The following SYNE1 variants were observed in gnomAD, a reference collection of about 807,000 sequenced individuals.
SYNE1 encodes nesprin-1.
In SYNE1, 616 loss-of-function variants were observed where a neutral mutation model predicts 1,111.0. The ratio of observed to expected loss-of-function variants is 0.55; its 90% CI spans 0.52 to 0.59. The LOEUF is 0.59. Among genes scored for constraint, SYNE1 ranks in the 20% least tolerant of loss-of-function variants. The pLI, the probability that SYNE1 is intolerant of heterozygous loss-of-function variation, is 0.00. For missense variants in SYNE1, 10,006 were observed against 10,417.0 expected, an observed-to-expected ratio of 0.96 and a Z score of 1.72; for synonymous variants, 3,855 against 3,825.8, an observed-to-expected ratio of 1.01 and a Z score of -0.28.
Position 152,323,728 on chromosome 6 carries a change from C to G in SYNE1, c.15667G>C (p.Ala5223Pro), listed in dbSNP as rs769712681. 1 of 1,614,064 alleles carries G rather than the reference C, an allele frequency of 6.2e-7. No individual in the cohort carries two copies. The highest frequency in any genetic ancestry group is 8.5e-7 in the Non-Finnish European group (1 of 1,180,004). The stretch of plus-strand genomic sequence containing the variant: ...TGCAGCTGATCAATCATTTCAGTGG[C>G]CTTTTTAACCTGATGACAAATGTAC... ...WTGFNNKVKKATEMIDQLQDK... is the reference protein window; with the variant it reads ...WTGFNNKVKKPTEMIDQLQDK... Residue 5223 changes from alanine to proline, a missense_variant, in exon 82 of 146, where the codon GCC becomes CCC. Transcript: ENST00000367255.
intron 97 of SYNE1, among the ~76,000 whole-genome samples, chr6:152,278,683 G>C (rs1277218110): frequency 4.6e-5 from 7 of 152,054 alleles, no homozygotes; most frequent in African/African-American, 1.2e-4. Flanking sequence ...GGATGGTCTA[G>C]ATCTCCTGAC....
chr6:152,176,712 G>C, intron 129 of SYNE1, 152 bp from the exon 130 acceptor site: 1 of 759,086 alleles, frequency 1.3e-6, no homozygotes, highest in Non-Finnish European at 2.2e-6. Flanking sequence ...ATGTGCACAA[G>C]TATTAGTAGT....
intron 131 of SYNE1, among the ~76,000 whole-genome samples, chr6:152,161,634 T>A (rs892074443): frequency 3.3e-5 from 5 of 152,286 alleles, no homozygotes; most frequent in African/African-American, 7.2e-5. Context: ...CTATTTATTT[T>A]TTTTTCTTAA....
chr6:152,278,038 C>T lies in SYNE1; in HGVS notation c.18573+51G>A, dbSNP rs147222728. 9,578 of 1,602,968 alleles carry T rather than the reference C, an allele frequency of 6.0e-3. 47 individuals carry two copies. Among genetic ancestry groups the T allele is most frequent in the East Asian group, 0.015 (667 of 44,834 alleles). On this transcript the variant is annotated intron_variant, in intron 98 of 145. Coordinates refer to ENST00000367255, the MANE Select transcript of SYNE1 (RefSeq NM_182961.4). ...TACCTGGCAAACCTTAGAAGGAGCA[C>T]GTGAACAGTGTGCCAACTTTCAGCT...
chr6:152,427,842 A>G, intron 37 of SYNE1, 26 bp from the exon 38 acceptor site: 1 of 1,613,836 alleles, frequency 6.2e-7, no homozygotes, highest in Admixed American at 1.7e-5. Flanking sequence ...AGCAGAAACA[A>G]ATTTATTGAA....
In SYNE1 at chr6:152,269,185, C is replaced by T. The variant is rs373495185; in HGVS notation, c.18675G>A (p.Gln6225=). 1.9e-5 allele frequency: 31 copies of T among 1,614,102 alleles called. No homozygotes were observed. Among genetic ancestry groups the T allele is most frequent in the Non-Finnish European group, 2.5e-5 (30 of 1,180,046 alleles). ...GTTGCTGGAGACTGCTCTGCCGCTG[C>T]TGGGTCCATGTGGTGCGAGCTTGGG... ...WLAQARTTWT[Q]QRQSSLQQQK... Residue 6225 remains glutamine, a synonymous_variant, in exon 99 of 146, where the codon CAG becomes CAA. Coordinates refer to ENST00000367255, the MANE Select transcript of SYNE1 (RefSeq NM_182961.4).
At chr6:152,590,261 G>A (rs112511995) in intron 3 of SYNE1, among the ~76,000 whole-genome samples, 1,990 of 151,642 alleles carry the variant, frequency 0.013, 41 homozygotes, top group African/African-American at 0.044. Flanking sequence ...CTATAACTTT[G>A]TAAACTGTGT....
chr6:152,272,669 C>G (rs1473831755), intron 98 of SYNE1, among the ~76,000 whole-genome samples: 3 of 152,106 alleles, frequency 2.0e-5, no homozygotes, highest in Non-Finnish European at 4.4e-5. Flanking sequence ...TTCACTGATA[C>G]CCATGCAAGT....
intron 128 of SYNE1, among the ~76,000 whole-genome samples, chr6:152,183,935 T>C (rs1265079938): frequency 2.2e-5 from 3 of 134,724 alleles, no homozygotes; most frequent in Non-Finnish European, 5.0e-5. Flanking sequence ...CAAAAATAGT[T>C]CATCCATCAC....
Position 152,284,018 on chromosome 6 carries a change from G to A in SYNE1, c.18167C>T (p.Thr6056Ile). The A allele has an allele frequency of 6.2e-7, 1 of 1,614,216 alleles. No homozygotes were observed. Among genetic ancestry groups the A allele is most frequent in the Non-Finnish European group, 8.5e-7 (1 of 1,180,038 alleles). ...TTTCCCCGAGGCTTTCATCCTGATG[G>A]TGGACATTCGCTCGGCTAAGACAGT... ...TLTVLAERMS[T>I]IRMKASGKRQ... The change falls in exon 96 of 146, where the codon ACC (threonine) becomes ATC (isoleucine). Residue 6056 changes from threonine to isoleucine, a missense_variant. This residue lies in a region of SYNE1 where 99 missense variants were observed against 147.8 expected (regional missense o/e 0.67). Coordinates refer to ENST00000367255, the MANE Select transcript of SYNE1 (RefSeq NM_182961.4).
At chr6:152,399,347 A>G (rs1182412310) in intron 48 of SYNE1, among the ~76,000 whole-genome samples, 1 of 152,222 alleles carries the variant, frequency 6.6e-6, no homozygotes, top group Non-Finnish European at 1.5e-5. Flanking sequence ...CACATGAGCT[A>G]TATATAGAAA....
chr6:152,557,946 G>A (rs1372749767), intron 3 of SYNE1, among the ~76,000 whole-genome samples: 1 of 152,074 alleles, frequency 6.6e-6, no homozygotes. Flanking sequence ...TGCCATACAA[G>A]TCACTTTGAT....
Position 152,331,368 on chromosome 6 carries a change from G to A in SYNE1, c.13317C>T (p.Asp4439=), listed in dbSNP as rs1563130122. The A allele has an allele frequency of 3.7e-6, 6 of 1,614,198 alleles. No homozygotes were observed. Among genetic ancestry groups the A allele is most frequent in the African/African-American group, 1.3e-5 (1 of 75,044 alleles). Residue 4439 remains aspartate, a synonymous_variant, in exon 78 of 146, where the codon GAC becomes GAT. Coordinates refer to ENST00000367255, the MANE Select transcript of SYNE1 (RefSeq NM_182961.4). ...AGTACTTTCTTCGCTGGCCCACTAA[G>A]TCACTGAGACAATTCACGTGGCTTT... The part of the protein sequence containing the change: ...DAQSHVNCLS[D]LVGQRRKYLN...
chr6:152,221,085 C>A, intron 118 of SYNE1, 39 bp from the exon 119 acceptor site: 1 of 1,595,984 alleles, frequency 6.3e-7, no homozygotes, highest in Non-Finnish European at 8.6e-7. Flanking sequence ...AGATTACCAC[C>A]TCTCACCAAA....
intron 98 of SYNE1, among the ~76,000 whole-genome samples, chr6:152,275,764 C>T (rs1404586938): frequency 6.6e-6 from 1 of 151,206 alleles, no homozygotes; most frequent in Non-Finnish European, 1.5e-5. Context: ...GCCTATAGTC[C>T]CAGCTACTCA....
chr6:152,362,407 C>G, intron 63 of SYNE1, 84 bp from the exon 64 acceptor site: 1 of 1,580,234 alleles, frequency 6.3e-7, no homozygotes, highest in African/African-American at 1.3e-5. Context: ...CCATCCACTC[C>G]AGTAAGCAAG....
At chr6:152,162,378 C>G (rs1243189102) in intron 131 of SYNE1, among the ~76,000 whole-genome samples, 1 of 152,118 alleles carries the variant, frequency 6.6e-6, no homozygotes, top group Non-Finnish European at 1.5e-5. Flanking sequence ...TGGTTTTAAC[C>G]TTTTTCCCTC....
chr6:152,257,098 T>C (rs2091026806), intron 101 of SYNE1, among the ~76,000 whole-genome samples: 1 of 152,218 alleles, frequency 6.6e-6, no homozygotes, highest in Non-Finnish European at 1.5e-5. Flanking sequence ...GAGAGGATTC[T>C]GAATGTCTCT....
chr6:152,472,966 C>G (rs993075284), intron 14 of SYNE1, among the ~76,000 whole-genome samples: 6 of 151,964 alleles, frequency 3.9e-5, no homozygotes, highest in Non-Finnish European at 7.4e-5. Context: ...CAGGGAATAC[C>G]CCATAGGTAA....
Sources: allele counts gnomAD v4.1 joint callset (sites outside exome capture counted in the v4.1 genomes callset), GRCh38; gene constraint gnomAD v4.1.1; regional missense constraint gnomAD v4.1.1; transcripts MANE v1.5; gene names NCBI Gene and HGNC (gene_info 2026-07-23, HGNC 2026-07-21).